The following HTR2C variants were observed in gnomAD, a reference collection of about 807,000 sequenced individuals.
The protein encoded by HTR2C is 5-hydroxytryptamine (serotonin) receptor 2C, G protein-coupled.
HTR2C carries 5 observed loss-of-function variants against 21.0 expected under a neutral mutation model. That is an observed-to-expected ratio of 0.24 (90% confidence interval 0.12 to 0.50). HTR2C has a LOEUF of 0.50. Ranked by LOEUF, HTR2C falls within the 20% of genes least tolerant of loss-of-function variation. HTR2C has a pLI of 0.98. For missense variants in HTR2C, 271 were observed against 371.2 expected (o/e 0.73, Z 2.22); for synonymous variants, 150 against 145.3 (o/e 1.03, Z -0.23).
intron 4 of HTR2C, among the ~76,000 whole-genome samples, chrX:114,735,231 C>T (rs181706393): frequency 4.5e-5 from 5 of 110,889 alleles, no homozygotes; most frequent in East Asian, 5.7e-4. Flanking sequence ...GCAGGAGAAT[C>T]GCTTGAACCC....
intron 4 of HTR2C, among the ~76,000 whole-genome samples, chrX:114,821,145 A>C (rs1556456123): frequency 9.0e-6 from 1 of 111,395 alleles, no homozygotes; most frequent in Non-Finnish European, 1.9e-5. Context: ...TTGGTTGTAC[A>C]CTTGGAGATG....
At chrX:114,596,927 T>C (rs1219438465) in intron 1 of HTR2C, among the ~76,000 whole-genome samples, 1 of 110,801 alleles carries the variant, frequency 9.0e-6, no homozygotes, top group Non-Finnish European at 1.9e-5. Context: ...ATTTAAGAAA[T>C]ATTTTTTGTG....
At chrX:114,746,043 T>C (rs782710849) in intron 4 of HTR2C, among the ~76,000 whole-genome samples, 70 of 112,084 alleles carry the variant, frequency 6.2e-4, no homozygotes, top group Non-Finnish European at 1.7e-4. Flanking sequence ...TTATGCATTG[T>C]ATACCTATAT....
intron 5 of HTR2C, among the ~76,000 whole-genome samples, chrX:114,903,504 A>G (rs2071351671): frequency 8.9e-6 from 1 of 112,516 alleles, no homozygotes; most frequent in Non-Finnish European, 1.9e-5. Flanking sequence ...AAAATAATAC[A>G]AATAGATGCC....
intron 2 of HTR2C, among the ~76,000 whole-genome samples, chrX:114,682,563 T>C (rs1196332488): frequency 2.7e-5 from 3 of 111,914 alleles, no homozygotes; most frequent in Non-Finnish European, 5.6e-5. Flanking sequence ...TTTATTTTTC[T>C]TTCTCTTTAA....
chrX:114,825,603 A>G (rs1250987472), intron 4 of HTR2C, among the ~76,000 whole-genome samples: 1 of 111,282 alleles, frequency 9.0e-6, no homozygotes, highest in Non-Finnish European at 1.9e-5. Flanking sequence ...GTCAGGTGGT[A>G]TGTTTTATCA....
intron 4 of HTR2C, among the ~76,000 whole-genome samples, chrX:114,801,618 T>C (rs781932776): frequency 9.0e-6 from 1 of 111,633 alleles, no homozygotes; most frequent in Admixed American, 9.6e-5. Context: ...TGAATACACA[T>C]ATTATAAAGG....
At chrX:114,826,287 G>C (rs1371499075) in intron 4 of HTR2C, among the ~76,000 whole-genome samples, 2 of 109,901 alleles carry the variant, frequency 1.8e-5, no homozygotes, top group African/African-American at 3.3e-5. Flanking sequence ...TCCCAGGCTG[G>C]TCTCCTGGGT....
chrX:114,816,789 A>G (rs1478705843), intron 4 of HTR2C, among the ~76,000 whole-genome samples: 4 of 110,930 alleles, frequency 3.6e-5, no homozygotes, highest in African/African-American at 1.3e-4. Flanking sequence ...TGATAAAAGA[A>G]AACATGTTAG....
At chrX:114,834,442 T>A (rs1419203809) in intron 4 of HTR2C, among the ~76,000 whole-genome samples, 1 of 109,002 alleles carries the variant, frequency 9.2e-6, no homozygotes, top group Non-Finnish European at 1.9e-5. Flanking sequence ...ATTGATCCCT[T>A]TACCATTATG....
intron 4 of HTR2C, among the ~76,000 whole-genome samples, chrX:114,754,504 G>A (rs1285831151): frequency 1.8e-5 from 2 of 111,527 alleles, no homozygotes; most frequent in Non-Finnish European, 3.8e-5. Flanking sequence ...ACATAAATAT[G>A]TCCAATTGAT....
chrX:114,592,678 T>C (rs1368292344), intron 1 of HTR2C, among the ~76,000 whole-genome samples: 2 of 112,158 alleles, frequency 1.8e-5, no homozygotes, highest in Non-Finnish European at 3.8e-5. Context: ...AGCTTCAGAA[T>C]TATTTCTGAA....
At chrX:114,698,297 T>C (rs1932339736) in intron 2 of HTR2C, among the ~76,000 whole-genome samples, 1 of 111,717 alleles carries the variant, frequency 9.0e-6, no homozygotes, top group African/African-American at 3.3e-5. Context: ...TGATATCTCA[T>C]ATTTACAGGT....
At chrX:114,859,988 G>T (rs2070993734) in intron 5 of HTR2C, among the ~76,000 whole-genome samples, 1 of 111,292 alleles carries the variant, frequency 9.0e-6, no homozygotes, top group African/African-American at 3.3e-5. Flanking sequence ...CTTTCTTATT[G>T]AGTTGTAATT....
At chrX:114,896,003 A>T (rs1556484028) in intron 5 of HTR2C, among the ~76,000 whole-genome samples, 3 of 110,162 alleles carry the variant, frequency 2.7e-5, no homozygotes, top group Non-Finnish European at 1.9e-5. Context: ...AAAAAAAAAA[A>T]TCCTCTAAAT....
intron 4 of HTR2C, among the ~76,000 whole-genome samples, chrX:114,732,806 C>T (rs1324813438): frequency 1.8e-5 from 2 of 110,879 alleles, no homozygotes; most frequent in Non-Finnish European, 3.8e-5. Context: ...CCAGCTTCTC[C>T]CTTTAAAAAA....
At chrX:114,597,442 A>G (rs1377875154) in intron 1 of HTR2C, among the ~76,000 whole-genome samples, 3 of 111,380 alleles carry the variant, frequency 2.7e-5, no homozygotes, top group African/African-American at 9.8e-5. Flanking sequence ...GACATTATAT[A>G]GTGAAGGACT....
intron 1 of HTR2C, among the ~76,000 whole-genome samples, chrX:114,597,147 G>A (rs1235321281): frequency 9.8e-6 from 1 of 102,547 alleles, no homozygotes; most frequent in Non-Finnish European, 2.0e-5. Context: ...GAACCCAGAA[G>A]GCAGAGGTTG....
At chrX:114,828,591 CAATT>C (rs1446744035) in intron 4 of HTR2C, among the ~76,000 whole-genome samples, 1 of 111,742 alleles carries the variant, frequency 8.9e-6, no homozygotes. Context: ...ACAAAATTAA[CAATT>C]AACCATTTAA....
Sources: allele counts gnomAD v4.1 joint callset (sites outside exome capture counted in the v4.1 genomes callset), GRCh38; gene constraint gnomAD v4.1.1; transcripts MANE v1.5; gene names NCBI Gene and HGNC (gene_info 2026-07-23, HGNC 2026-07-21).